The following ZIC3 variants were observed in gnomAD, a reference collection of about 807,000 sequenced individuals.
The protein encoded by ZIC3 is zinc finger protein ZIC 3.
Under a neutral mutation model 18.3 loss-of-function variants are expected in ZIC3, and 6 were observed. That is an observed-to-expected ratio of 0.33 (90% CI 0.18 to 0.65). The LOEUF (loss-of-function observed/expected upper bound fraction) is 0.65. Ranked by LOEUF, ZIC3 falls within the 30% of genes least tolerant of loss-of-function variation. The pLI is 0.75. For missense variants in ZIC3, 260 were observed against 410.0 expected (o/e 0.63, Z 3.16); for synonymous variants, 175 against 177.0 (o/e 0.99, Z 0.09).
intron 1 of ZIC3, chrX:137,568,681 G>GCCCCCCCCC: frequency 1.4e-5 from 2 of 142,760 alleles, no homozygotes; most frequent in Non-Finnish European, 2.6e-5. Context: ...TTTTGGGCCG[G>GCCCCCCCCC]CCCCGCCCCA....
chrX:137,567,813 T>A, intron 1 of ZIC3, 62 bp downstream of exon 1: 2 of 1,209,968 alleles, frequency 1.7e-6, no homozygotes, highest in South Asian at 3.5e-5. Context: ...GCAGCGGACT[T>A]AGAGCGCGAG....
rs1204946081 is a variant in ZIC3 at position 137,566,944 on chromosome X, C to T, written c.253C>T (p.Leu85=). The T allele has an allele frequency of 1.7e-6, 2 of 1,167,108 alleles. No homozygotes were observed. The highest frequency in any genetic ancestry group is 1.9e-5 in the South Asian group (1 of 52,832). Residue 85 remains leucine, a synonymous_variant, in exon 1 of 3, where the codon CTG becomes TTG. Coordinates refer to ENST00000287538, the MANE Select transcript of ZIC3 (RefSeq NM_003413.4). ...GCAGGGTTCGGGCTACGCCAACGCC[C>T]TGGGCCACCATCACCACCACCATCA... ...TPQGSGYANA[L]GHHHHHHHHH...
Position 137,566,611 on chromosome X carries a change from T to A in ZIC3, c.-81T>A, listed in dbSNP as rs1931343577. The A allele has an allele frequency of 1.7e-6, 2 of 1,161,319 alleles. No individual in the cohort carries two copies. The highest frequency in any genetic ancestry group is 3.5e-5 in the African/African-American group (2 of 56,606). ...CCAACCGCCGCCACCCCTTTCCGAC[T>A]ACGGCACTTCGGAGATCTCCTCCTT... On this transcript the variant is annotated 5_prime_UTR_variant, in exon 1 of 3. Transcript: ENST00000287538.
downstream of ZIC3, among the ~76,000 whole-genome samples, chrX:137,572,926 A>C (rs1339532646): frequency 9.0e-6 from 1 of 111,094 alleles, no homozygotes; most frequent in African/African-American, 3.3e-5. Flanking sequence ...AGAATATAAA[A>C]GTTTTGCCCC....
chrX:137,568,517 T>C lies in ZIC3; in HGVS notation c.1061-385T>C, dbSNP rs750961312. ...ACGGGATTGTCCTGTCCGGGGCCCA[T>C]TGTCCCGCCGGGCTCGGTTACATTG... is the stretch of plus-strand genomic sequence containing the variant. On this transcript the variant is annotated intron_variant, in intron 1 of 2. Coordinates refer to ENST00000287538, the MANE Select transcript of ZIC3 (RefSeq NM_003413.4). 5.3e-5 allele frequency among the ~76,000 whole-genome samples: 6 copies of C among 112,181 alleles called. No homozygotes were observed. In the East Asian group the frequency reaches 1.7e-3, roughly 32 times the overall value.
chrX:137,577,597 G>A (rs1274947623), exon 3 of ZIC3: 1 of 129,472 alleles, frequency 7.7e-6, no homozygotes, highest in Non-Finnish European at 1.5e-5. Flanking sequence ...CTAGAAACAT[G>A]AATTGTTGTT....
chrX:137,576,853 G>T (rs1931519693), downstream of ZIC3, among the ~76,000 whole-genome samples: 1 of 111,960 alleles, frequency 8.9e-6, no homozygotes, highest in South Asian at 3.7e-4. Context: ...AAGCTTTATA[G>T]TAACTATAAT....
rs1931364160 is a variant in ZIC3 at position 137,567,331 on chromosome X, G to A, written c.640G>A (p.Ala214Thr). 8.3e-7 allele frequency: 1 copy of A among 1,211,457 alleles called. No homozygotes were observed. The highest frequency in any genetic ancestry group is 3.0e-5 in the East Asian group (1 of 33,812). Residue 214 changes from alanine (A) to threonine (T), a missense_variant, in exon 1 of 3, where the codon GCT becomes ACT. Ala to Thr is a moderately conservative substitution (Grantham distance 58). Coordinates refer to ENST00000287538, the MANE Select transcript of ZIC3 (RefSeq NM_003413.4). ...GCGCACGGACCCCTACGCGGCCGGC[G>A]CTCAGTTTCCTAACTACAGCCCCAT... ...SPRTDPYAAG[A>T]QFPNYSPMNM...
chrX:137,566,517 T>TG lies in ZIC3; in HGVS notation c.-174dup, dbSNP rs1273892994. On this transcript the variant is annotated 5_prime_UTR_variant, in exon 1 of 3. Coordinates refer to ENST00000287538, the MANE Select transcript of ZIC3 (RefSeq NM_003413.4). ...CTTCCCCTCCTCCCTCCTATCCCTC[T>TG]GCAGGAGACTCTTGCAGTGACGGAA... The TG allele has an allele frequency of 3.6e-5, 19 of 529,504 alleles. No individual in the cohort carries two copies. Among genetic ancestry groups the TG allele is most frequent in the Middle Eastern group, 8.4e-4 (1 of 1,187 alleles). The allele number at this position is 529,504 out of a possible 1,213,427, so 43.6% of individuals were successfully genotyped here.
In ZIC3 at chrX:137,567,795, C is replaced by T. The variant is rs757759695; in HGVS notation, c.1060+44C>T. ...CGGGCGTGGGTTCCACTGGCGATAC[C>T]CCGTCACGCAGCGGACTTAGAGCGC... On this transcript the variant is annotated intron_variant, in intron 1 of 2. Transcript: ENST00000287538. The T allele has an allele frequency of 9.1e-6, 11 of 1,211,261 alleles. No homozygotes were observed. In the Admixed American group the frequency reaches 2.4e-4, roughly 26 times the overall value.
Position 137,569,035 on chromosome X carries a change from G to T in ZIC3, c.1194G>T (p.Thr398=), listed in dbSNP as rs143990850. The change falls in exon 2 of 3, where the codon ACG becomes ACT. Residue 398 remains threonine, a synonymous_variant. Coordinates refer to ENST00000287538, the MANE Select transcript of ZIC3 (RefSeq NM_003413.4). ...YICKVCDKSY[T]HPSSLRKHMK... is the part of the protein sequence containing the mutation. ...GCAAAGTGTGCGACAAGTCCTACAC[G>T]CACCCGAGCTCCCTGCGCAAACACA... 4.0e-5 allele frequency: 48 copies of T among 1,209,184 alleles called. No individual in the cohort carries two copies. The African/African-American group carries it at 7.2e-4, about 18-fold the overall frequency.
chrX:137,575,705 G>T (rs1009277401), downstream of ZIC3, among the ~76,000 whole-genome samples: 1 of 111,361 alleles, frequency 9.0e-6, no homozygotes, highest in Non-Finnish European at 1.9e-5. Flanking sequence ...GAAGGTGTGG[G>T]GCAGTTCCCG....
downstream of ZIC3, among the ~76,000 whole-genome samples, chrX:137,573,141 A>C (rs1288779197): frequency 2.5e-5 from 1 of 40,754 alleles, no homozygotes; most frequent in African/African-American, 9.6e-5. Context: ...CCCCCCCAAA[A>C]AAAAAAAAAA....
At position 137,571,191 on chromosome X, in the gene ZIC3, C is replaced by T. The variant is rs1476065763; in HGVS notation, c.*1121C>T. On this transcript the variant is annotated 3_prime_UTR_variant, in exon 3 of 3. Transcript: ENST00000287538. ...GAAGCTGGATTTAATCATCCCTGCC[C>T]TACATATATAAACATAAGGTAACCT... 1 of 112,357 alleles carries T rather than the reference C, an allele frequency of 8.9e-6. No individual in the cohort carries two copies. The highest frequency in any genetic ancestry group is 1.9e-5 in the Non-Finnish European group (1 of 53,216). 9.3% of individuals were successfully genotyped at this position (112,357 alleles called of 1,213,427 possible).
rs1183548135 is a variant in ZIC3, at chrX:137,570,588, T to C, written c.*518T>C. On this transcript the variant is annotated 3_prime_UTR_variant, in exon 3 of 3. Coordinates refer to ENST00000287538, the MANE Select transcript of ZIC3 (RefSeq NM_003413.4). Reference sequence around the variant, plus strand: ...GGTCGAAACTGTTGTTCAGTATTTTTTCAGGCTGAGGATGTGATGTTACTC... The same window carrying C: ...GGTCGAAACTGTTGTTCAGTATTTTCTCAGGCTGAGGATGTGATGTTACTC... 1 of 123,855 alleles carries C rather than the reference T, an allele frequency of 8.1e-6. No homozygotes were observed. Among genetic ancestry groups the C allele is most frequent in the Non-Finnish European group, 1.7e-5 (1 of 59,562 alleles). The allele number at this position is 123,855 out of a possible 1,213,427, so 10.2% of individuals were successfully genotyped here.
exon 3 of ZIC3, chrX:137,577,325 C>A: frequency 2.3e-6 from 1 of 437,411 alleles, no homozygotes; most frequent in South Asian, 4.5e-5. Flanking sequence ...TTGAAGTGAT[C>A]ATTTTAAGAG....
chrX:137,576,985 TA>T (rs752709401), downstream of ZIC3: 24 of 418,056 alleles, frequency 5.7e-5, no homozygotes, highest in Non-Finnish European at 8.9e-5. Context: ...GTGTTAAAAA[TA>T]AAACATTCCA....
chrX:137,570,137 A>G lies in ZIC3; in HGVS notation c.*67A>G. 2 of 1,141,936 alleles carry G rather than the reference A, an allele frequency of 1.8e-6. No individual in the cohort carries two copies. The highest frequency in any genetic ancestry group is 2.4e-6 in the Non-Finnish European group (2 of 831,932). The allele number at this position is 1,141,936 out of a possible 1,213,427, so 94.1% of individuals were successfully genotyped here. ...CATTTTTAAAAGAAAACTGAGACCA[A>G]TCAGATGGAAATGGAGTTTTAAGGC... is the stretch of plus-strand genomic sequence containing the variant. On this transcript the variant is annotated 3_prime_UTR_variant, in exon 3 of 3. Transcript: ENST00000287538.
chrX:137,575,678 C>T (rs1386631771), downstream of ZIC3, among the ~76,000 whole-genome samples: 1 of 111,895 alleles, frequency 8.9e-6, no homozygotes, highest in Non-Finnish European at 1.9e-5. Flanking sequence ...TGTCCAGTGT[C>T]ACGCATTTGG....
Sources: gnomAD v4.1 joint callset for allele counts (sites outside exome capture counted in the v4.1 genomes callset) on GRCh38, gnomAD v4.1.1 for gene constraint, MANE v1.5 for transcripts, NCBI Gene and HGNC (gene_info 2026-07-23, HGNC 2026-07-21) for gene names.